CHAF1A: variants seen among roughly 807,000 people sequenced by gnomAD.
The protein encoded by CHAF1A is chromatin assembly factor 1 subunit A.
Under a neutral mutation model 93.2 loss-of-function variants are expected in CHAF1A, and 5 were observed. That is an observed-to-expected ratio of 0.05 (90% CI 0.03 to 0.11). The LOEUF is 0.11. Among genes scored for constraint, CHAF1A ranks in the 10% least tolerant of loss-of-function variants. CHAF1A has a pLI of 1.00. For missense variants in CHAF1A, 1,102 were observed against 1,259.9 expected, an observed-to-expected ratio of 0.87 and a Z score of 1.90; for synonymous variants, 504 against 510.3, an observed-to-expected ratio of 0.99 and a Z score of 0.17.
At chr19:4,447,679 C>T (rs954553547), downstream of CHAF1A, 30 of 1,569,532 alleles carry the variant, frequency 1.9e-5, no homozygotes, top group Non-Finnish European at 2.5e-5. Context: ...CCACCCGGCC[C>T]CTCTGTGCCT....
In CHAF1A at chr19:4,429,458, G is replaced by C; in HGVS notation, c.1625G>C (p.Arg542Pro). 6.2e-7 allele frequency: 1 copy of C among 1,614,004 alleles called. No individual in the cohort carries two copies. Among genetic ancestry groups the C allele is most frequent in the Non-Finnish European group, 8.5e-7 (1 of 1,179,986 alleles). Residue 542 changes from arginine (R) to proline (P), a missense_variant, in exon 9 of 15, where the codon CGT becomes CCT. This residue lies in a region of CHAF1A where 335 missense variants were observed against 361.9 expected (regional missense o/e 0.93). Coordinates refer to ENST00000301280, the MANE Select transcript of CHAF1A (RefSeq NM_005483.3). ...IFNSDVVIVE[R>P]GKGDGVPERR... ...CTCAGTGATGTCGTCATCGTGGAGC[G>C]TGGGAAGGGCGACGGTGTTCCCGAG...
chr19:4,418,409 CTT>C (rs10549561), intron 4 of CHAF1A, among the ~76,000 whole-genome samples: 109 of 107,052 alleles, frequency 1.0e-3, no homozygotes, highest in African/African-American at 2.6e-3. Flanking sequence ...AGTCCTGTCT[CTT>C]TTTTTTTTTT....
chr19:4,423,306 C>A (rs563469309), intron 5 of CHAF1A, 29 bp from the exon 6 acceptor site: 22 of 1,613,358 alleles, frequency 1.4e-5, no homozygotes, highest in Non-Finnish European at 1.8e-5. Context: ...AGCAAAGAGT[C>A]GGCTGAAATG....
intron 13 of CHAF1A, 32 bp from the exon 14 acceptor site, chr19:4,442,213 A>T (rs757733585): frequency 5.0e-6 from 8 of 1,594,194 alleles, no homozygotes; most frequent in African/African-American, 4.0e-5. Flanking sequence ...TGCTGCCTGC[A>T]GTGCTGATGG....
At chr19:4,436,714 G>A (rs554602297) in intron 13 of CHAF1A, among the ~76,000 whole-genome samples, 2 of 152,256 alleles carry the variant, frequency 1.3e-5, no homozygotes, top group Admixed American at 1.3e-4. Context: ...CAGTAGTCCA[G>A]GCCCTGGACG....
chr19:4,419,092 C>T (rs1252010838), intron 4 of CHAF1A, among the ~76,000 whole-genome samples: 1 of 135,596 alleles, frequency 7.4e-6, no homozygotes, highest in Admixed American at 8.5e-5. Flanking sequence ...GTTGCCCAGG[C>T]TGGTCTCAAA....
downstream of CHAF1A, chr19:4,447,430 G>A (rs1599674761): frequency 9.3e-7 from 1 of 1,077,976 alleles, no homozygotes; most frequent in Non-Finnish European, 1.4e-6. Flanking sequence ...CACTGCTTGT[G>A]GCTCAACTCT....
intron 4 of CHAF1A, among the ~76,000 whole-genome samples, chr19:4,420,956 C>T (rs945627156): frequency 4.6e-5 from 7 of 151,940 alleles, no homozygotes; most frequent in African/African-American, 1.7e-4. Context: ...CCCAGCTACT[C>T]GGGAGGCTGA....
chr19:4,438,994 T>C (rs901874857), intron 13 of CHAF1A, among the ~76,000 whole-genome samples: 17 of 143,560 alleles, frequency 1.2e-4, no homozygotes, highest in African/African-American at 4.2e-4. Flanking sequence ...AAAAAAAGCA[T>C]AGATGGCTGG....
At chr19:4,445,797 A>G (rs1974498360), downstream of CHAF1A, 1 of 1,166,810 alleles carries the variant, frequency 8.6e-7, no homozygotes, top group Non-Finnish European at 1.2e-6. Flanking sequence ...TCCAGGACCT[A>G]AGCCTAAACC....
Position 4,443,393 on chromosome 19 carries a change from C to T in CHAF1A, c.*368C>T, listed in dbSNP as rs544070816. 1.2e-5 allele frequency: 3 copies of T among 241,494 alleles called. No individual in the cohort carries two copies. In the South Asian group the frequency reaches 1.5e-4, roughly 12 times the overall value. The allele number at this position is 241,494 out of a possible 1,614,324, so 15.0% of individuals were successfully genotyped here. A position where few individuals can be genotyped will look rare whatever the true frequency, so the allele number is the denominator to read the frequency against. ...GCAGTGTATAAACTTATTCTCTAGC[C>T]CTGAGCTGCTCTGTCTGTCTTTTCC... On this transcript the variant is annotated 3_prime_UTR_variant, in exon 15 of 15. Transcript: ENST00000301280.
chr19:4,430,365 A>T (rs1229117197), intron 10 of CHAF1A, among the ~76,000 whole-genome samples, 184 bp from the exon 11 acceptor site: 1 of 151,934 alleles, frequency 6.6e-6, no homozygotes, highest in East Asian at 1.9e-4. Context: ...TTTAGTAGAG[A>T]CAGAGTTTTA....
chr19:4,403,568 C>T (rs1973626674), intron 1 of CHAF1A, among the ~76,000 whole-genome samples: 1 of 152,286 alleles, frequency 6.6e-6, no homozygotes, highest in South Asian at 2.1e-4. Context: ...TCCAGTTTCT[C>T]AGCCTCAGCA....
intron 7 of CHAF1A, among the ~76,000 whole-genome samples, chr19:4,424,873 G>C (rs1256766777): frequency 6.6e-6 from 1 of 152,190 alleles, no homozygotes; most frequent in Non-Finnish European, 1.5e-5. Context: ...GACCTCAGGT[G>C]ATCCGCCCGC....
chr19:4,429,940 A>G, intron 10 of CHAF1A, 152 bp downstream of exon 10: 1 of 656,602 alleles, frequency 1.5e-6, no homozygotes, highest in South Asian at 1.9e-5. Flanking sequence ...AACGCACCTC[A>G]ACATCCAGAC....
intron 7 of CHAF1A, among the ~76,000 whole-genome samples, chr19:4,426,167 C>CTTTTT (rs57040531): frequency 1.0e-5 from 1 of 95,624 alleles, no homozygotes; most frequent in Non-Finnish European, 2.0e-5. Flanking sequence ...TGTTTACAGT[C>CTTTTT]TTTTTTTTTT....
At chr19:4,445,633 G>A (rs1974493591), downstream of CHAF1A, 1 of 1,611,248 alleles carries the variant, frequency 6.2e-7, no homozygotes, top group Non-Finnish European at 8.5e-7. Context: ...CCTGCGGTAG[G>A]GGTAGGCCGT....
At chr19:4,408,841 A>T (rs544391423) in intron 2 of CHAF1A, 62 bp from the exon 3 acceptor site, 54 of 1,529,032 alleles carry the variant, frequency 3.5e-5, no homozygotes, top group Non-Finnish European at 4.5e-5. Flanking sequence ...AGTAATTTTC[A>T]AGCTCATGAG....
In CHAF1A at chr19:4,405,970, T is replaced by C. The variant is rs757945364; in HGVS notation, c.103+8T>C. On this transcript the variant is annotated splice_region_variant and intron_variant, in intron 2 of 14. Coordinates refer to ENST00000301280, the MANE Select transcript of CHAF1A (RefSeq NM_005483.3). ...TTAAGAAGTTAATACAAGGTAATTA[T>C]TTGGAAATGGGTTAAAGAGTTGTTC... 9 of 1,608,356 alleles carry C rather than the reference T, an allele frequency of 5.6e-6. No homozygotes were observed. The Admixed American group carries it at 1.5e-4, about 27-fold the overall frequency.
Sources: allele counts gnomAD v4.1 joint callset (sites outside exome capture counted in the v4.1 genomes callset), GRCh38; gene constraint gnomAD v4.1.1; regional missense constraint gnomAD v4.1.1; transcripts MANE v1.5; gene names NCBI Gene and HGNC (gene_info 2026-07-23, HGNC 2026-07-21).